The following NTM variants were observed in gnomAD, a reference collection of about 807,000 sequenced individuals.
NTM encodes the protein neurotrimin.
In NTM, 13 loss-of-function variants were observed where a neutral mutation model predicts 42.1. The observed-to-expected ratio is 0.31, with a 90% CI of 0.20 to 0.49. The LOEUF is 0.49. NTM is among the 20% of genes least tolerant of loss of function. The pLI is 0.99. For synonymous variants in NTM, 187 were observed against 179.2 expected (o/e 1.04, Z -0.35); for missense variants, 373 against 452.8 (o/e 0.82, Z 1.60).
chr11:131,795,910 T>C (rs905865470), intron 1 of NTM: 2 of 978,546 alleles, frequency 2.0e-6, no homozygotes, highest in Non-Finnish European at 2.4e-6. Context: ...GATCACTTTA[T>C]TGGAGTAAGC....
chr11:131,372,357 T>C (rs1257104363), intron 1 of NTM, among the ~76,000 whole-genome samples: 4 of 152,134 alleles, frequency 2.6e-5, no homozygotes, highest in African/African-American at 7.2e-5. Context: ...TGCTGTCCCC[T>C]AGGGGCTTTG....
chr11:131,795,752 C>A (rs1383195768), intron 1 of NTM: 1 of 985,188 alleles, frequency 1.0e-6, no homozygotes, highest in Non-Finnish European at 1.2e-6. Context: ...TGGTTCAGGT[C>A]ATGATACTGC....
At chr11:131,930,854 C>T (rs138489504) in intron 2 of NTM, among the ~76,000 whole-genome samples, 1,623 of 152,198 alleles carry the variant, frequency 0.011, 14 homozygotes, top group Non-Finnish European at 0.016. Flanking sequence ...TTAAAATTAA[C>T]GTAGTCCTGA....
intron 1 of NTM, among the ~76,000 whole-genome samples, chr11:131,424,575 A>C (rs1390303625): frequency 1.2e-5 from 1 of 84,076 alleles, no homozygotes; most frequent in East Asian, 5.8e-4. Context: ...GCAATTGCTT[A>C]GTTGTTTTTT....
chr11:131,576,336 G>C (rs1302544890), intron 1 of NTM, among the ~76,000 whole-genome samples: 2 of 152,138 alleles, frequency 1.3e-5, no homozygotes, highest in Non-Finnish European at 2.9e-5. Flanking sequence ...ACCAGGATTG[G>C]TCCATCTAAA....
At chr11:132,211,731 G>T in intron 3 of NTM, 1 of 268,668 alleles carries the variant, frequency 3.7e-6, no homozygotes, top group Non-Finnish European at 7.1e-6. Context: ...GAGGTGGGTG[G>T]GGGTGAGTGG....
At chr11:131,850,169 C>T (rs1354968337) in intron 1 of NTM, among the ~76,000 whole-genome samples, 1 of 152,054 alleles carries the variant, frequency 6.6e-6, no homozygotes, top group East Asian at 1.9e-4. Flanking sequence ...AGGTAAAATG[C>T]ACCTTAACTT....
chr11:132,074,814 T>C (rs1446667218), intron 2 of NTM, among the ~76,000 whole-genome samples: 1 of 152,194 alleles, frequency 6.6e-6, no homozygotes, highest in African/African-American at 2.4e-5. Flanking sequence ...ATAAAAATAA[T>C]ACAGTATGTA....
chr11:132,138,523 G>T (rs996667957), intron 2 of NTM, among the ~76,000 whole-genome samples: 1 of 151,054 alleles, frequency 6.6e-6, no homozygotes, highest in African/African-American at 2.4e-5. Flanking sequence ...AGCAGTGTGG[G>T]GTGGGAGTGT....
At chr11:131,545,033 G>T (rs779959929) in intron 1 of NTM, among the ~76,000 whole-genome samples, 1 of 152,170 alleles carries the variant, frequency 6.6e-6, no homozygotes, top group Admixed American at 6.5e-5. Context: ...CCACGGGGCT[G>T]CAAGGGTAAT....
intron 4 of NTM, among the ~76,000 whole-genome samples, chr11:132,300,370 C>T (rs530074582): frequency 1.4e-4 from 21 of 152,282 alleles, no homozygotes; most frequent in South Asian, 6.2e-4. Context: ...ATAAGGTAAT[C>T]TTATGTTCTC....
intron 1 of NTM, among the ~76,000 whole-genome samples, chr11:131,633,718 CCTCT>C (rs147050089): frequency 6.8e-4 from 9 of 13,278 alleles, no homozygotes; most frequent in Admixed American, 2.9e-3. Flanking sequence ...TCTCTCCCTC[CCTCT>C]CTCTCTCTCT....
chr11:131,401,818 A>ATATATATATATATGTG lies in NTM; in HGVS notation c.82+30943_82+30944insGTGTATATATATATAT, dbSNP rs1565465282. Among the ~76,000 whole-genome samples, 78 of 42,990 alleles carry ATATATATATATATGTG rather than the reference A, an allele frequency of 1.8e-3. 3 individuals carry two copies. Among genetic ancestry groups the ATATATATATATATGTG allele is most frequent in the Non-Finnish European group, 2.7e-3 (60 of 22,400 alleles). The allele number at this position is 42,990 out of a possible 152,430, so 28.2% of individuals were successfully genotyped here. On this transcript the variant is annotated intron_variant, in intron 1 of 8. Coordinates refer to ENST00000683400, the MANE Select transcript of NTM (RefSeq NM_001352005.2). ...ACTGGAAATATATATATATATATAT[A>ATATATATATATATGTG]TATATATATATATATATATATATAT... is the stretch of plus-strand genomic sequence containing the variant.
At chr11:131,605,601 A>G (rs2060878805) in intron 1 of NTM, 2 of 158,632 alleles carry the variant, frequency 1.3e-5, no homozygotes, top group Non-Finnish European at 2.7e-5. Flanking sequence ...AAGAGTGAAC[A>G]TCCTAGTACA....
chr11:131,641,580 T>G (rs948732832), intron 1 of NTM, among the ~76,000 whole-genome samples: 1 of 152,178 alleles, frequency 6.6e-6, no homozygotes, highest in Admixed American at 6.5e-5. Flanking sequence ...TCAGCCTGCC[T>G]GCCATTTCCA....
At chr11:132,104,935 A>ATGTG (rs202203556) in intron 2 of NTM, among the ~76,000 whole-genome samples, 2,298 of 19,818 alleles carry the variant, frequency 0.12, 388 homozygotes, top group Middle Eastern at 0.18. Context: ...ATATATACAT[A>ATGTG]TGTATATATA....
At chr11:131,667,577 G>A (rs2069298001) in intron 1 of NTM, among the ~76,000 whole-genome samples, 1 of 152,136 alleles carries the variant, frequency 6.6e-6, no homozygotes, top group Non-Finnish European at 1.5e-5. Context: ...CCAGAACCTG[G>A]AACCATGTGA....
rs551337950 is a variant in NTM, at chr11:131,795,263, C to T, written c.83-116301C>T. ...TTCTTCATTTGAAAAATAGGATAAT[C>T]ATTTCTTCCTTATAGGGTTGTTGTT... On this transcript the variant is annotated intron_variant, in intron 1 of 8. Transcript: ENST00000683400. 8.0e-4 allele frequency: 383 copies of T among 476,414 alleles called. 1 individual carries two copies. Among genetic ancestry groups the T allele is most frequent in the Non-Finnish European group, 9.6e-4 (351 of 365,114 alleles). The allele number at this position is 476,414 out of a possible 1,614,324, so 29.5% of individuals were successfully genotyped here.
At chr11:131,824,754 C>A (rs150813846) in intron 1 of NTM, among the ~76,000 whole-genome samples, 8 of 152,184 alleles carry the variant, frequency 5.3e-5, no homozygotes, top group African/African-American at 1.9e-4. Context: ...TCAGGGATGC[C>A]TTTCTTTATT....
Sources: gnomAD v4.1 joint callset for allele counts (sites outside exome capture counted in the v4.1 genomes callset) on GRCh38, gnomAD v4.1.1 for gene constraint, MANE v1.5 for transcripts, NCBI Gene and HGNC (gene_info 2026-07-23, HGNC 2026-07-21) for gene names.